The following MAST2 variants were observed in gnomAD, a reference collection of about 807,000 sequenced individuals.
MAST2 encodes microtubule associated serine/threonine kinase 2, also known as microtubule-associated serine/threonine-protein kinase 2.
MAST2 carries 70 observed loss-of-function variants against 147.4 expected under a neutral mutation model. The observed-to-expected ratio is 0.47, with a 90% confidence interval of 0.39 to 0.58. The LOEUF (loss-of-function observed/expected upper bound fraction) is 0.58, where lower values mean the gene tolerates loss of function less well. Ranked by LOEUF, MAST2 falls within the 20% of genes least tolerant of loss-of-function variation. The pLI is 0.00. For synonymous variants in MAST2, 869 were observed against 896.8 expected (o/e 0.97, Z 0.55); for missense variants, 2,080 against 2,302.3 (o/e 0.90, Z 1.98).
intron 5 of MAST2, among the ~76,000 whole-genome samples, chr1:45,961,709 C>G (rs557315606): frequency 6.6e-6 from 1 of 152,246 alleles, no homozygotes; most frequent in Admixed American, 6.5e-5. Context: ...TTGAGACAGG[C>G]AGCACTGATT....
intron 4 of MAST2, among the ~76,000 whole-genome samples, chr1:45,927,104 A>G (rs569485390): frequency 6.6e-6 from 1 of 152,296 alleles, no homozygotes; most frequent in East Asian, 1.9e-4. Context: ...AGTTTTTATT[A>G]GGGATTTTCA....
rs1216395203 is a variant in MAST2 at position 46,034,593 on chromosome 1, A to C, written c.3924A>C (p.Pro1308=). ...SSPSSSVPSS[P]AGSGHTRPSS... is the part of the protein sequence containing the mutation. ...CCAGCTCCAGCGTGCCCAGTTCCCC[A>C]GCCGGCTCTGGGCACACACGGCCCA... Residue 1308 remains proline (P), a synonymous_variant, in exon 29 of 29, where the codon CCA becomes CCC. Transcript: ENST00000361297. The C allele has an allele frequency of 6.2e-7, 1 of 1,614,062 alleles. No individual in the cohort carries two copies. Among genetic ancestry groups the C allele is most frequent in the East Asian group, 2.2e-5 (1 of 44,868 alleles).
Position 45,934,827 on chromosome 1 carries a change from G to A in MAST2, c.501-24559G>A, listed in dbSNP as rs142279828. Among the ~76,000 whole-genome samples, 431 of 152,270 alleles carry A rather than the reference G, an allele frequency of 2.8e-3. 2 individuals are homozygous for A. The highest frequency in any genetic ancestry group is 6.8e-3 in the Middle Eastern group (2 of 294). Reference sequence around the variant, plus strand: ...TGATGGGCACCTAATTTGATTCCGTGTCTTTGCTATAGTGAATAGTGCTGT... The same window carrying A: ...TGATGGGCACCTAATTTGATTCCGTATCTTTGCTATAGTGAATAGTGCTGT... On this transcript the variant is annotated intron_variant, in intron 4 of 28. Coordinates refer to ENST00000361297, the MANE Select transcript of MAST2 (RefSeq NM_015112.3).
At chr1:46,004,241 G>C (rs945151198) in intron 7 of MAST2, among the ~76,000 whole-genome samples, 87 of 151,854 alleles carry the variant, frequency 5.7e-4, no homozygotes, top group African/African-American at 2.0e-3. Context: ...GTGGGCGCCT[G>C]TAGTCCCAGC....
chr1:45,841,652 A>G (rs945121620), intron 3 of MAST2, among the ~76,000 whole-genome samples: 5 of 152,144 alleles, frequency 3.3e-5, no homozygotes, highest in African/African-American at 1.2e-4. Context: ...TGGTTGGCTC[A>G]CTGGTGGTAA....
chr1:45,821,226 C>G (rs1644616687), intron 1 of MAST2, among the ~76,000 whole-genome samples: 2 of 152,038 alleles, frequency 1.3e-5, no homozygotes, highest in African/African-American at 4.8e-5. Context: ...TTTTGAAGGA[C>G]AGTTATGCTC....
chr1:45,925,844 A>G (rs1231753235), intron 4 of MAST2, among the ~76,000 whole-genome samples: 1 of 152,230 alleles, frequency 6.6e-6, no homozygotes, highest in Non-Finnish European at 1.5e-5. Flanking sequence ...TCACTCTCAA[A>G]GCTTTCATCC....
At chr1:45,957,120 T>C (rs1001984650) in intron 4 of MAST2, among the ~76,000 whole-genome samples, 5 of 152,242 alleles carry the variant, frequency 3.3e-5, no homozygotes, top group Admixed American at 2.0e-4. Context: ...TTTGATTGAA[T>C]ACACCTGAGA....
At chr1:45,985,546 T>G (rs1037013237) in intron 5 of MAST2, among the ~76,000 whole-genome samples, 1 of 152,250 alleles carries the variant, frequency 6.6e-6, no homozygotes, top group Admixed American at 6.5e-5. Context: ...TTACTTTGGA[T>G]TTTGTAGAAT....
At position 45,882,399 on chromosome 1, in the gene MAST2, A is replaced by C; in HGVS notation, c.500+4A>C. On this transcript the variant is annotated splice_donor_region_variant and intron_variant, in intron 4 of 28. Transcript: ENST00000361297. Reference sequence around the variant, plus strand: ...GCCTTCCAAGAAGAGGCAGCTTGTAAGTAGATGATTATTACCATTATGATT... The same window carrying C: ...GCCTTCCAAGAAGAGGCAGCTTGTACGTAGATGATTATTACCATTATGATT... 1 of 1,609,158 alleles carries C rather than the reference A, an allele frequency of 6.2e-7. No homozygotes were observed.
intron 3 of MAST2, among the ~76,000 whole-genome samples, chr1:45,859,358 C>A (rs1031792181): frequency 4.6e-5 from 7 of 152,208 alleles, no homozygotes; most frequent in African/African-American, 1.7e-4. Context: ...CCTTTGCTTC[C>A]CAAAGTGCTG....
At chr1:45,988,937 C>A (rs1446711311) in intron 5 of MAST2, among the ~76,000 whole-genome samples, 1 of 152,226 alleles carries the variant, frequency 6.6e-6, no homozygotes, top group South Asian at 2.1e-4. Flanking sequence ...TAGAATCAGC[C>A]GTTTCTCCAA....
chr1:45,934,116 T>G (rs1472366025), intron 4 of MAST2, among the ~76,000 whole-genome samples: 1 of 152,074 alleles, frequency 6.6e-6, no homozygotes, highest in African/African-American at 2.4e-5. Context: ...TTCCCTTCCT[T>G]GTGTCCATGT....
intron 3 of MAST2, among the ~76,000 whole-genome samples, chr1:45,844,373 C>G (rs1645366797): frequency 6.6e-6 from 1 of 152,108 alleles, no homozygotes; most frequent in African/African-American, 2.4e-5. Context: ...ACCTCCGACT[C>G]CCAGGTTCAA....
At chr1:45,858,528 A>G (rs565141971) in intron 3 of MAST2, among the ~76,000 whole-genome samples, 2 of 149,820 alleles carry the variant, frequency 1.3e-5, no homozygotes, top group East Asian at 3.9e-4. Flanking sequence ...TCGTCAGATG[A>G]GTAGATTGCA....
chr1:45,865,509 A>T (rs1646116761), intron 3 of MAST2, among the ~76,000 whole-genome samples: 2 of 152,150 alleles, frequency 1.3e-5, no homozygotes, highest in African/African-American at 4.8e-5. Flanking sequence ...AGTCACATGT[A>T]TGGTAGTATA....
chr1:45,908,202 T>G (rs1651092683), intron 4 of MAST2, among the ~76,000 whole-genome samples: 1 of 152,186 alleles, frequency 6.6e-6, no homozygotes, highest in Admixed American at 6.5e-5. Context: ...TTTTTTTAAA[T>G]TGTTTTTTAT....
At chr1:45,863,097 G>T (rs1468836462) in intron 3 of MAST2, among the ~76,000 whole-genome samples, 2 of 151,870 alleles carry the variant, frequency 1.3e-5, no homozygotes, top group East Asian at 3.9e-4. Flanking sequence ...AAAATAAATG[G>T]TTCTTGAATT....
chr1:45,827,803 C>T (rs1644837828), intron 2 of MAST2, among the ~76,000 whole-genome samples: 1 of 152,110 alleles, frequency 6.6e-6, no homozygotes, highest in African/African-American at 2.4e-5. Context: ...CAAAAACATG[C>T]ATTATGTCAA....
Sources: gnomAD v4.1 joint callset for allele counts (sites outside exome capture counted in the v4.1 genomes callset) on GRCh38, gnomAD v4.1.1 for gene constraint, MANE v1.5 for transcripts, NCBI Gene and HGNC (gene_info 2026-07-23, HGNC 2026-07-21) for gene names.